Variants in SLC4A4 observed in about 807,000 individuals in gnomAD.
SLC4A4 encodes the protein electrogenic sodium bicarbonate cotransporter 1.
A neutral mutation model predicts 111.5 loss-of-function variants in SLC4A4; 27 were observed. The ratio of observed to expected loss-of-function variants is 0.24; its 90% CI spans 0.18 to 0.33. The LOEUF (loss-of-function observed/expected upper bound fraction) is 0.33, where lower values mean the gene tolerates loss of function less well. Among genes scored for constraint, SLC4A4 ranks in the 10% least tolerant of loss-of-function variants. SLC4A4 has a pLI of 1.00. For synonymous variants in SLC4A4, 443 were observed against 463.4 expected (o/e 0.96, Z 0.57); for missense variants, 909 against 1,315.5 (o/e 0.69, Z 4.78).
chr4:71,534,522 A>G (rs1734239491), intron 18 of SLC4A4, 134 bp downstream of exon 18: 1 of 791,374 alleles, frequency 1.3e-6, no homozygotes, highest in East Asian at 2.6e-5. Context: ...CCGCAGAACC[A>G]GAGATCACTT....
chr4:71,154,356 G>A (rs1443737650), intron 2 of SLC4A4, among the ~76,000 whole-genome samples: 1 of 152,198 alleles, frequency 6.6e-6, no homozygotes, highest in East Asian at 1.9e-4. Flanking sequence ...GGATTAGAGT[G>A]TGGACGCTTT....
intron 7 of SLC4A4, among the ~76,000 whole-genome samples, chr4:71,429,782 A>G (rs1267725679): frequency 6.6e-6 from 1 of 152,126 alleles, no homozygotes; most frequent in Non-Finnish European, 1.5e-5. Context: ...TACAATCTAT[A>G]AGAAAGGAAT....
chr4:71,369,957 A>T (rs565116510), intron 6 of SLC4A4, among the ~76,000 whole-genome samples: 42 of 152,266 alleles, frequency 2.8e-4, no homozygotes, highest in Non-Finnish European at 5.7e-4. Context: ...GTGAGAACAT[A>T]CCCTTGGTCT....
chr4:71,506,392 T>C (rs1013966644), intron 16 of SLC4A4, among the ~76,000 whole-genome samples: 1 of 152,168 alleles, frequency 6.6e-6, no homozygotes, highest in Middle Eastern at 3.2e-3. Context: ...TAGTTCTCAT[T>C]GAAGAGGTCC....
intron 2 of SLC4A4, among the ~76,000 whole-genome samples, chr4:71,108,269 A>G (rs1200870059): frequency 6.6e-6 from 1 of 152,168 alleles, no homozygotes; most frequent in Non-Finnish European, 1.5e-5. Flanking sequence ...GTGGCTTCCA[A>G]CTACTGTCTA....
intron 16 of SLC4A4, among the ~76,000 whole-genome samples, chr4:71,503,211 G>C (rs1033411350): frequency 2.0e-5 from 3 of 149,368 alleles, no homozygotes; most frequent in African/African-American, 7.4e-5. Context: ...AATAGTGAGG[G>C]GATCTCTAGT....
chr4:71,323,800 G>A (rs1020632340), intron 3 of SLC4A4, among the ~76,000 whole-genome samples: 3 of 146,706 alleles, frequency 2.0e-5, no homozygotes, highest in South Asian at 2.1e-4. Flanking sequence ...TTTCACTACT[G>A]TGTTGTTTTG....
chr4:71,347,033 A>G (rs1729388970), intron 4 of SLC4A4, among the ~76,000 whole-genome samples: 1 of 152,160 alleles, frequency 6.6e-6, no homozygotes, highest in Admixed American at 6.6e-5. Context: ...TTGAGAATTT[A>G]TATTTCCATT....
At chr4:71,413,963 G>A (rs1721617229) in intron 7 of SLC4A4, among the ~76,000 whole-genome samples, 1 of 152,102 alleles carries the variant, frequency 6.6e-6, no homozygotes, top group African/African-American at 2.4e-5. Context: ...TATGAACTCT[G>A]TTTAGAGATC....
At chr4:71,210,790 C>A (rs1011940224) in intron 1 of SLC4A4, among the ~76,000 whole-genome samples, 5 of 152,160 alleles carry the variant, frequency 3.3e-5, no homozygotes, top group Non-Finnish European at 5.9e-5. Context: ...CTGTAATCTC[C>A]TGAATGAAGT....
At chr4:71,444,247 C>T (rs1261956656) in intron 8 of SLC4A4, among the ~76,000 whole-genome samples, 2 of 152,028 alleles carry the variant, frequency 1.3e-5, no homozygotes, top group South Asian at 2.1e-4. Context: ...GAGTATAGGC[C>T]GTTGGTTCCG....
chr4:71,136,735 C>T (rs1358783857), intron 2 of SLC4A4, among the ~76,000 whole-genome samples: 1 of 152,152 alleles, frequency 6.6e-6, no homozygotes, highest in Non-Finnish European at 1.5e-5. Context: ...GCAGTACTAC[C>T]TCAAGGAGTG....
Position 71,190,429 on chromosome 4 carries a change from C to G in SLC4A4, c.-2+3028C>G, listed in dbSNP as rs893537669. ...ACACACACACACACACACACACACACAGACACAACTCATTTGTAGAGGTGG... is the reference window on the plus strand; with the variant it reads ...ACACACACACACACACACACACACAGAGACACAACTCATTTGTAGAGGTGG... On this transcript the variant is annotated intron_variant, in intron 1 of 25. Coordinates refer to ENST00000264485, the MANE Select transcript of SLC4A4 (RefSeq NM_001098484.3). Among the ~76,000 whole-genome samples, 63 of 135,804 alleles carry G rather than the reference C, an allele frequency of 4.6e-4. No homozygotes were observed. In the South Asian group the frequency reaches 0.014, roughly 30 times the overall value. 89.1% of individuals were successfully genotyped at this position (135,804 alleles called of 152,430 possible). A position where few individuals can be genotyped will look rare whatever the true frequency, so the allele number is the denominator to read the frequency against.
At chr4:71,311,898 A>C (rs959354684) in intron 3 of SLC4A4, among the ~76,000 whole-genome samples, 253 of 147,568 alleles carry the variant, frequency 1.7e-3, no homozygotes, top group East Asian at 4.2e-3. Context: ...TGTGAGAGAG[A>C]GAGAGAGAGA....
rs1332119860 is a variant in SLC4A4 at position 71,348,230 on chromosome 4, A to G, written c.390-1682A>G. ...AAACCCATAGAATTCTTTGAGTGTG[A>G]TATAAAATTGTCGTTTTTTTTCTCC... is the stretch of plus-strand genomic sequence containing the variant. On this transcript the variant is annotated intron_variant, in intron 4 of 25. Transcript: ENST00000264485. Among the ~76,000 whole-genome samples, 3 of 151,820 alleles carry G rather than the reference A, an allele frequency of 2.0e-5. No individual in the cohort carries two copies. In the East Asian group the frequency reaches 5.8e-4, roughly 29 times the overall value.
At chr4:71,490,064 T>A (rs868262997) in intron 15 of SLC4A4, among the ~76,000 whole-genome samples, 5 of 151,864 alleles carry the variant, frequency 3.3e-5, no homozygotes, top group South Asian at 2.1e-4. Context: ...GTGTCTTTAT[T>A]TCTTCTCACT....
chr4:71,391,719 T>A (rs1719292628), intron 6 of SLC4A4, among the ~76,000 whole-genome samples: 1 of 152,032 alleles, frequency 6.6e-6, no homozygotes, highest in African/African-American at 2.4e-5. Context: ...CTTCTTCTGC[T>A]TTTATTTTCT....
intron 15 of SLC4A4, 121 bp from the exon 16 acceptor site, chr4:71,497,380 G>A (rs1340496718): frequency 2.5e-6 from 2 of 797,156 alleles, no homozygotes; most frequent in Non-Finnish European, 4.2e-6. Context: ...ACCCTCCAGT[G>A]CTTATTTTCA....
chr4:71,362,297 G>T (rs1032487495), intron 6 of SLC4A4, among the ~76,000 whole-genome samples: 2 of 151,996 alleles, frequency 1.3e-5, no homozygotes, highest in Non-Finnish European at 2.9e-5. Flanking sequence ...CTAATTTTAC[G>T]ACCTCACTTT....
Sources: gnomAD v4.1 joint callset for allele counts (sites outside exome capture counted in the v4.1 genomes callset) on GRCh38, gnomAD v4.1.1 for gene constraint, MANE v1.5 for transcripts, NCBI Gene and HGNC (gene_info 2026-07-23, HGNC 2026-07-21) for gene names.